The following VPS35L variants were observed in gnomAD, a reference collection of about 807,000 sequenced individuals.
VPS35L encodes VPS35 endosomal protein-sorting factor-like.
Under a neutral mutation model 133.0 loss-of-function variants are expected in VPS35L, and 83 were observed. That is an observed-to-expected ratio of 0.62 (90% CI 0.52 to 0.75). VPS35L has a LOEUF of 0.75. Ranked by LOEUF, VPS35L falls within the 30% of genes least tolerant of loss-of-function variation. The probability of loss-of-function intolerance (pLI) is 0.00; values close to 1 mark genes in which losing one functional copy is unlikely to be tolerated. For missense variants in VPS35L, 1,083 were observed against 1,206.8 expected (o/e 0.90, Z 1.52); for synonymous variants, 423 against 449.9 (o/e 0.94, Z 0.76).
chr16:19,593,333 C>T (rs1488187658), intron 8 of VPS35L, among the ~76,000 whole-genome samples: 1 of 152,210 alleles, frequency 6.6e-6, no homozygotes, highest in African/African-American at 2.4e-5. Flanking sequence ...GAGACATTCA[C>T]TGTCTTACAG....
Position 19,564,927 on chromosome 16 carries a change from T to C in VPS35L, c.94T>C (p.Tyr32His). ...GGCTGTACCATTGGAGTTTGGGGAC[T>C]ATCACCCTCTGAAACCCATAACTGT... ...LEAVPLEFGD[Y>H]HPLKPITVTE... Residue 32 changes from tyrosine (Y) to histidine (H), a missense_variant, in exon 2 of 31, where the codon TAT (tyrosine) becomes CAT (histidine). By Grantham distance (83) the Tyr-to-His change is moderately conservative. Transcript: ENST00000417362. 1 of 1,612,246 alleles carries C rather than the reference T, an allele frequency of 6.2e-7. No individual in the cohort carries two copies.
At position 19,662,122 on chromosome 16, in the gene VPS35L, G is replaced by A. The variant is rs528268845; in HGVS notation, c.2222-7038G>A. 1.3e-4 allele frequency among the ~76,000 whole-genome samples: 20 copies of A among 152,208 alleles called. No homozygotes were observed. In the South Asian group the frequency reaches 3.1e-3, roughly 24 times the overall value. On this transcript the variant is annotated intron_variant, in intron 26 of 30. Transcript: ENST00000417362. ...GCAGGCTGAAGTGGGAGGGTTGCTC[G>A]AGCCCAGGAGGTCGAGGCAGGAGTG... is the stretch of plus-strand genomic sequence containing the variant.
rs192970606 is a variant in VPS35L at position 19,682,367 on chromosome 16, C to T, written c.2504C>T (p.Thr835Met). ...CTCCTCTCCGCCATGAGCCAGGAGA[C>T]GTACCTTTACCACATAGACAAAGGT... ...LHLLSAMSQE[T>M]YLYHIDKVDS... is the part of the protein sequence containing the mutation. Residue 835 changes from threonine to methionine, a missense_variant, in exon 28 of 31, where the codon ACG becomes ATG. Transcript: ENST00000417362. 9.3e-6 allele frequency: 15 copies of T among 1,614,194 alleles called. No individual in the cohort carries two copies. The highest frequency in any genetic ancestry group is 8.3e-5 in the Admixed American group (5 of 60,020).
intron 6 of VPS35L, 59 bp downstream of exon 6, chr16:19,579,187 G>C: frequency 6.6e-7 from 1 of 1,506,676 alleles, no homozygotes; most frequent in Non-Finnish European, 9.2e-7. Flanking sequence ...CTCCTGCCAA[G>C]TGAGATCAAC....
chr16:19,573,169 G>A lies in VPS35L; in HGVS notation c.336G>A (p.Ser112=), dbSNP rs144895626. 3.3e-5 allele frequency: 54 copies of A among 1,613,892 alleles called. No individual in the cohort carries two copies. Among genetic ancestry groups the A allele is most frequent in the Middle Eastern group, 3.3e-4 (2 of 6,060 alleles). ...GAGATGATAACTCCGTTGTAGGATC[G>A]GATTTTGAGCCTTGGACCAACAAAC... ...RDRDDNSVVG[S]DFEPWTNKRG... Residue 112 remains serine (S), a synonymous_variant, in exon 4 of 31, where the codon TCG becomes TCA. Transcript: ENST00000417362.
chr16:19,611,137 T>C (rs1972705513), intron 12 of VPS35L, among the ~76,000 whole-genome samples: 2 of 152,240 alleles, frequency 1.3e-5, no homozygotes, highest in Non-Finnish European at 2.9e-5. Context: ...GTAGCTGAGA[T>C]TACAGGTGTC....
Position 19,627,645 on chromosome 16 carries a change from A to G in VPS35L, c.1272-49A>G, listed in dbSNP as rs775869840. 16 of 1,399,100 alleles carry G rather than the reference A, an allele frequency of 1.1e-5. No homozygotes were observed. The South Asian group carries it at 1.6e-4, about 14-fold the overall frequency. 86.7% of individuals were successfully genotyped at this position (1,399,100 alleles called of 1,614,324 possible). On this transcript the variant is annotated intron_variant, in intron 15 of 30. Coordinates refer to ENST00000417362, the MANE Select transcript of VPS35L (RefSeq NM_020314.7). ...CAATATATATTCAAAAATTAAAGCAACTTTGATTGAGGAGAAGCCAGGCTG... is the reference window on the plus strand; with the variant it reads ...CAATATATATTCAAAAATTAAAGCAGCTTTGATTGAGGAGAAGCCAGGCTG...
intron 19 of VPS35L, among the ~76,000 whole-genome samples, chr16:19,634,826 G>A (rs757061853): frequency 1.3e-5 from 2 of 152,088 alleles, no homozygotes; most frequent in Non-Finnish European, 1.5e-5. Context: ...TACTGAGCAG[G>A]TATCAATTGC....
At chr16:19,579,202 G>C in intron 6 of VPS35L, 74 bp downstream of exon 6, 1 of 1,359,928 alleles carries the variant, frequency 7.4e-7, no homozygotes, top group Non-Finnish European at 1.0e-6. Flanking sequence ...ATCAACCTCG[G>C]TGGCTGCTCT....
chr16:19,621,460 C>T (rs945818766), intron 14 of VPS35L, among the ~76,000 whole-genome samples: 1 of 152,160 alleles, frequency 6.6e-6, no homozygotes, highest in Non-Finnish European at 1.5e-5. Context: ...GGGCCAACAG[C>T]AACAATAACA....
Position 19,639,293 on chromosome 16 carries a change from G to A in VPS35L, c.1699-722G>A, listed in dbSNP as rs1021190418. Among the ~76,000 whole-genome samples the A allele has an allele frequency of 6.6e-6, 1 of 152,116 alleles. No homozygotes were observed. The highest frequency in any genetic ancestry group is 2.1e-4 in the South Asian group (1 of 4,824). ...ACTTGCTTACAGCCACACAGTCACC[G>A]AGGTTAGTATTCAGAGCCAGGCGGT... On this transcript the variant is annotated intron_variant, in intron 20 of 30. Transcript: ENST00000417362. The surrounding 1 kb of genome is among the most constrained non-coding windows in gnomAD (Gnocchi z 4.1).
chr16:19,681,028 G>T (rs1053536115), intron 27 of VPS35L, among the ~76,000 whole-genome samples: 1 of 152,040 alleles, frequency 6.6e-6, no homozygotes, highest in Non-Finnish European at 1.5e-5. Context: ...AGAACTGCAG[G>T]CTACCAAGGA....
chr16:19,675,096 G>A (rs936233543), intron 27 of VPS35L, among the ~76,000 whole-genome samples: 5 of 151,860 alleles, frequency 3.3e-5, no homozygotes, highest in Non-Finnish European at 7.4e-5. Flanking sequence ...GGGACCACAT[G>A]GGCAAGCCAC....
intron 7 of VPS35L, 27 bp downstream of exon 7, chr16:19,581,680 A>AC: frequency 8.2e-7 from 1 of 1,221,578 alleles, no homozygotes; most frequent in Non-Finnish European, 1.1e-6. Context: ...CCCCACCCCC[A>AC]CCCAGAATTT....
At chr16:19,578,022 C>A (rs1246731652) in intron 5 of VPS35L, among the ~76,000 whole-genome samples, 1 of 152,224 alleles carries the variant, frequency 6.6e-6, no homozygotes, top group Non-Finnish European at 1.5e-5. Context: ...CAGCATTCCA[C>A]TACTAGGGGT....
At chr16:19,613,218 A>G (rs1260205424) in intron 12 of VPS35L, among the ~76,000 whole-genome samples, 1 of 152,100 alleles carries the variant, frequency 6.6e-6, no homozygotes, top group Non-Finnish European at 1.5e-5. Flanking sequence ...CACGAGAATC[A>G]CTTGAACCCA....
At chr16:19,589,938 T>C (rs1971987569) in intron 7 of VPS35L, among the ~76,000 whole-genome samples, 1 of 152,130 alleles carries the variant, frequency 6.6e-6, no homozygotes, top group African/African-American at 2.4e-5. Flanking sequence ...GAGAACTGTG[T>C]ATTGTAAACA....
intron 1 of VPS35L, among the ~76,000 whole-genome samples, chr16:19,560,702 A>C (rs1971000281): frequency 6.6e-6 from 1 of 152,088 alleles, no homozygotes; most frequent in Non-Finnish European, 1.5e-5. Flanking sequence ...AGGCTGAGGC[A>C]GGAGAATTGA....
Position 19,616,900 on chromosome 16 carries a change from A to G in VPS35L, c.1224+92A>G, listed in dbSNP as rs116241062. 3.1e-3 allele frequency: 4,861 copies of G among 1,550,420 alleles called. 113 individuals are homozygous for G. In the African/African-American group the frequency reaches 0.055, roughly 18 times the overall value. On this transcript the variant is annotated intron_variant, in intron 14 of 30. Transcript: ENST00000417362. ...CCTTTAACGTTAATGGGACCCTTTC[A>G]TAACAGCTATAGCAATGTTAGTGCT...
Sources: allele counts gnomAD v4.1 joint callset (sites outside exome capture counted in the v4.1 genomes callset), GRCh38; gene constraint gnomAD v4.1.1; non-coding constraint Gnocchi (gnomAD v3.1); transcripts MANE v1.5; gene names NCBI Gene and HGNC (gene_info 2026-07-23, HGNC 2026-07-21).